PAK5: variants seen among roughly 807,000 people sequenced by gnomAD.
The protein encoded by PAK5 is p21 (RAC1) activated kinase 5, also known as serine/threonine-protein kinase PAK 5.
Under a neutral mutation model 65.9 loss-of-function variants are expected in PAK5, and 16 were observed. That is an observed-to-expected ratio of 0.24 (90% CI 0.16 to 0.37). The LOEUF is 0.37. Ranked by LOEUF, PAK5 falls within the 10% of genes least tolerant of loss-of-function variation. The pLI, the probability that PAK5 is intolerant of heterozygous loss-of-function variation, is 1.00. For missense variants in PAK5, 785 were observed against 903.9 expected, an observed-to-expected ratio of 0.87 and a Z score of 1.69; for synonymous variants, 371 against 354.9, an observed-to-expected ratio of 1.05 and a Z score of -0.51.
intron 2 of PAK5, among the ~76,000 whole-genome samples, chr20:9,669,152 G>A (rs1237434047): frequency 6.6e-6 from 1 of 152,052 alleles, no homozygotes; most frequent in Non-Finnish European, 1.5e-5. Flanking sequence ...GACACACACA[G>A]CAAATATTCA....
rs577246014 is a variant in PAK5, at chr20:9,544,520, C to G, written c.1744-26G>C. 8 of 1,610,648 alleles carry G rather than the reference C, an allele frequency of 5.0e-6. No individual in the cohort carries two copies. The African/African-American group carries it at 6.7e-5, about 13-fold the overall frequency. ...CTGAAAAGGAAAGGAATGCAACAAA[C>G]TAGCAATTTTAAAACAATGTCTGCT... On this transcript the variant is annotated intron_variant, in intron 7 of 9. Coordinates refer to ENST00000353224, the MANE Select transcript of PAK5 (RefSeq NM_177990.4).
intron 1 of PAK5, among the ~76,000 whole-genome samples, chr20:9,790,951 G>C (rs1381723524): frequency 1.3e-5 from 2 of 152,088 alleles, no homozygotes. Flanking sequence ...ACGGGGAATG[G>C]GTGTTGGGAA....
At chr20:9,542,417 A>T (rs192460322) in intron 9 of PAK5, among the ~76,000 whole-genome samples, 169 bp downstream of exon 9, 1 of 152,254 alleles carries the variant, frequency 6.6e-6, no homozygotes, top group Non-Finnish European at 1.5e-5. Flanking sequence ...TCACTTGCCC[A>T]GTAAACGAAT....
At position 9,838,895 on chromosome 20, in the gene PAK5, G is replaced by A. The variant is rs1005250524; in HGVS notation, c.-295C>T. On this transcript the variant is annotated 5_prime_UTR_variant, in exon 1 of 10. Transcript: ENST00000353224. The surrounding 1 kb of genome is among the most constrained non-coding windows in gnomAD (Gnocchi z 4.5). ...TACTGGCTGGGTAGGGGCAAGGGGG[G>A]CGGGGGCCAGCGGGAGGGGGTGAGA... 8 of 152,462 alleles carry A rather than the reference G, an allele frequency of 5.2e-5. No homozygotes were observed. The highest frequency in any genetic ancestry group is 1.9e-4 in the African/African-American group (8 of 41,546). 9.4% of individuals were successfully genotyped at this position (152,462 alleles called of 1,614,324 possible). A position where few individuals can be genotyped will look rare whatever the true frequency, so the allele number is the denominator to read the frequency against.
At chr20:9,779,678 A>C (rs1186999247) in intron 1 of PAK5, among the ~76,000 whole-genome samples, 2 of 151,988 alleles carry the variant, frequency 1.3e-5, no homozygotes, top group South Asian at 2.1e-4. Context: ...AATTATGTTT[A>C]TACTATATTT....
At chr20:9,590,936 G>A (rs1603235414) in intron 3 of PAK5, among the ~76,000 whole-genome samples, 1 of 152,134 alleles carries the variant, frequency 6.6e-6, no homozygotes, top group Non-Finnish European at 1.5e-5. Flanking sequence ...GGTGTTGTGG[G>A]CATAAACAAG....
At chr20:9,582,563 T>C (rs1006955980) in intron 3 of PAK5, among the ~76,000 whole-genome samples, 1 of 152,204 alleles carries the variant, frequency 6.6e-6, no homozygotes, top group African/African-American at 2.4e-5. Flanking sequence ...TCCAGGTTTC[T>C]TATACACACA....
intron 2 of PAK5, among the ~76,000 whole-genome samples, chr20:9,662,497 G>T (rs1457411778): frequency 6.6e-6 from 1 of 152,100 alleles, no homozygotes; most frequent in Admixed American, 6.6e-5. Flanking sequence ...ACTTATCCTG[G>T]CCAATAGCAT....
At chr20:9,542,535 A>C in intron 9 of PAK5, 51 bp downstream of exon 9, 3 of 1,600,188 alleles carry the variant, frequency 1.9e-6, no homozygotes, top group Non-Finnish European at 2.6e-6. Flanking sequence ...AGAGAGATAC[A>C]GGAAAATCCA....
chr20:9,808,998 G>T (rs1327217450), intron 1 of PAK5, among the ~76,000 whole-genome samples: 1 of 152,132 alleles, frequency 6.6e-6, no homozygotes, highest in Non-Finnish European at 1.5e-5. Flanking sequence ...TATGCTATTT[G>T]TTACACTGGG....
intron 3 of PAK5, among the ~76,000 whole-genome samples, chr20:9,598,055 C>T (rs2046301316): frequency 6.6e-6 from 1 of 152,234 alleles, no homozygotes. Flanking sequence ...CTATCAATCT[C>T]TCACCTAGGT....
At chr20:9,549,120 G>C (rs1004286605) in intron 7 of PAK5, among the ~76,000 whole-genome samples, 2 of 152,280 alleles carry the variant, frequency 1.3e-5, no homozygotes. Flanking sequence ...ATGCACAGAA[G>C]TAAAAATCCT....
At chr20:9,746,912 G>A (rs2069947403) in intron 1 of PAK5, among the ~76,000 whole-genome samples, 1 of 151,942 alleles carries the variant, frequency 6.6e-6, no homozygotes, top group Admixed American at 6.6e-5. Context: ...TTTTTGAAAG[G>A]ATCAACAAAA....
At chr20:9,590,268 C>A (rs1305397231) in intron 3 of PAK5, among the ~76,000 whole-genome samples, 1 of 152,104 alleles carries the variant, frequency 6.6e-6, no homozygotes, top group African/African-American at 2.4e-5. Flanking sequence ...CCAGGACTGG[C>A]CAAGAATTGT....
At chr20:9,779,673 T>C (rs1034048218) in intron 1 of PAK5, among the ~76,000 whole-genome samples, 18 of 152,122 alleles carry the variant, frequency 1.2e-4, no homozygotes, top group Non-Finnish European at 2.5e-4. Context: ...CTTCTAATTA[T>C]GTTTATACTA....
At chr20:9,602,359 T>C (rs1391613914) in intron 3 of PAK5, among the ~76,000 whole-genome samples, 2 of 151,946 alleles carry the variant, frequency 1.3e-5, no homozygotes, top group East Asian at 3.9e-4. Context: ...TCCAGTAATG[T>C]CTGAATGCAG....
At chr20:9,835,505 A>AATCTG (rs1302685308) in intron 1 of PAK5, among the ~76,000 whole-genome samples, 4 of 152,102 alleles carry the variant, frequency 2.6e-5, no homozygotes, top group African/African-American at 4.8e-5. Context: ...GAGTCTCTGG[A>AATCTG]ATCTGTCCCA....
chr20:9,818,392 C>T (rs1038056508), intron 1 of PAK5, among the ~76,000 whole-genome samples: 1 of 152,162 alleles, frequency 6.6e-6, no homozygotes, highest in Non-Finnish European at 1.5e-5. Flanking sequence ...CATCTCTGTC[C>T]CTCACTGTGA....
rs1208535993 is a variant in PAK5 at position 9,544,432 on chromosome 20, T to A, written c.1806A>T (p.Ser602=). Residue 602 remains serine (S), a synonymous_variant, in exon 8 of 10, where the codon TCA becomes TCT. Coordinates refer to ENST00000353224, the MANE Select transcript of PAK5 (RefSeq NM_177990.4). Reference sequence around the variant, plus strand: ...CCATCCAGTAGGGAGTGCCAACCAATGATTTCCTCTTCGGCACCTCTTTGG... The same window carrying A: ...CCATCCAGTAGGGAGTGCCAACCAAAGATTTCCTCTTCGGCACCTCTTTGG... ...QVSKEVPKRK[S]LVGTPYWMAP... is the part of the protein sequence containing the mutation. 1 of 1,613,904 alleles carries A rather than the reference T, an allele frequency of 6.2e-7. No individual in the cohort carries two copies. Among genetic ancestry groups the A allele is most frequent in the Admixed American group, 1.7e-5 (1 of 60,022 alleles).
Sources: allele counts gnomAD v4.1 joint callset (sites outside exome capture counted in the v4.1 genomes callset), GRCh38; gene constraint gnomAD v4.1.1; non-coding constraint Gnocchi (gnomAD v3.1); transcripts MANE v1.5; gene names NCBI Gene and HGNC (gene_info 2026-07-23, HGNC 2026-07-21).